Variants in CACHD1 observed in about 807,000 individuals in gnomAD.
CACHD1 encodes the protein cache domain containing 1, also known as VWFA and cache domain-containing protein 1.
In CACHD1, 71 loss-of-function variants were observed where a neutral mutation model predicts 138.7. That is an observed-to-expected ratio of 0.51 (90% CI 0.42 to 0.62). CACHD1 has a LOEUF of 0.62. CACHD1 is among the 20% of genes least tolerant of loss of function. CACHD1 has a pLI of 0.00. For missense variants in CACHD1, 1,389 were observed against 1,625.3 expected (o/e 0.85, Z 2.50); for synonymous variants, 578 against 591.5 (o/e 0.98, Z 0.33).
intron 1 of CACHD1, among the ~76,000 whole-genome samples, chr1:64,535,579 C>G (rs554862737): frequency 6.6e-6 from 1 of 152,272 alleles, no homozygotes; most frequent in South Asian, 2.1e-4. Flanking sequence ...CCCACCTCAG[C>G]CTCCCAAAGT....
chr1:64,630,490 G>C (rs547607078), intron 5 of CACHD1, among the ~76,000 whole-genome samples: 6 of 151,986 alleles, frequency 3.9e-5, no homozygotes, highest in African/African-American at 7.2e-5. Flanking sequence ...TAGTAGAGAC[G>C]AAGTTTTGCC....
At chr1:64,475,328 G>A (rs1056211531) in intron 1 of CACHD1, among the ~76,000 whole-genome samples, 8 of 151,692 alleles carry the variant, frequency 5.3e-5, no homozygotes, top group Non-Finnish European at 8.8e-5. Context: ...ATCACACCCT[G>A]CTAATTTTGT....
Position 64,647,881 on chromosome 1 carries a change from C to G in CACHD1, c.1237C>G (p.Arg413Gly). 1 of 1,614,022 alleles carries G rather than the reference C, an allele frequency of 6.2e-7. No homozygotes were observed. The highest frequency in any genetic ancestry group is 8.5e-7 in the Non-Finnish European group (1 of 1,179,984). Reference protein sequence around the residue: ...QNSGKYGVPDRMALPVIKGSM... With the variant: ...QNSGKYGVPDGMALPVIKGSM... ...TTCAGGGAAGTACGGTGTGCCAGAC[C>G]GGATGGCCTTGCCTGTGATTAAGGG... Residue 413 changes from arginine (R) to glycine (G), a missense_variant, in exon 9 of 27, where the codon CGG becomes GGG. Arg to Gly is a moderately radical substitution (Grantham distance 125). Around this residue, in one of 5 missense-constraint regions of CACHD1, gnomAD observed 1,000 missense variants for 1,114.7 expected, o/e 0.90. Coordinates refer to ENST00000651257, the MANE Select transcript of CACHD1 (RefSeq NM_020925.4).
chr1:64,681,542 T>TTTTTTTTTTTTTTTG (rs1650183739), intron 25 of CACHD1, among the ~76,000 whole-genome samples: 1 of 56,054 alleles, frequency 1.8e-5, no homozygotes, highest in African/African-American at 1.2e-4. Flanking sequence ...TTTTATTGTG[T>TTTTTTTTTTTTTTTG]TTTTTTTTTT....
intron 4 of CACHD1, among the ~76,000 whole-genome samples, chr1:64,625,400 G>A (rs1454466316): frequency 6.6e-6 from 1 of 152,162 alleles, no homozygotes; most frequent in African/African-American, 2.4e-5. Context: ...GCCAAGGCAG[G>A]CGGATCACTT....
At chr1:64,589,832 C>T (rs1647083627) in intron 3 of CACHD1, among the ~76,000 whole-genome samples, 1 of 152,124 alleles carries the variant, frequency 6.6e-6, no homozygotes. Context: ...ATAGCCCAGC[C>T]AAGTTGATAT....
intron 1 of CACHD1, among the ~76,000 whole-genome samples, chr1:64,494,045 G>C (rs1646293114): frequency 6.6e-6 from 1 of 152,164 alleles, no homozygotes. Context: ...GACAAGGGAG[G>C]GAGGAGGCGG....
intron 16 of CACHD1, among the ~76,000 whole-genome samples, chr1:64,669,919 G>T (rs1376773067): frequency 1.3e-5 from 2 of 152,226 alleles, no homozygotes; most frequent in African/African-American, 4.8e-5. Flanking sequence ...TAGCTGTAGG[G>T]TTGTAGAAAG....
chr1:64,479,035 G>C (rs1294339652), intron 1 of CACHD1, among the ~76,000 whole-genome samples: 2 of 152,090 alleles, frequency 1.3e-5, no homozygotes, highest in Non-Finnish European at 2.9e-5. Flanking sequence ...CTGCAGGCTG[G>C]ATAGGGCCAA....
At chr1:64,523,760 G>C (rs1360670695) in intron 1 of CACHD1, among the ~76,000 whole-genome samples, 1 of 152,154 alleles carries the variant, frequency 6.6e-6, no homozygotes, top group South Asian at 2.1e-4. Flanking sequence ...GTATAAAGCT[G>C]ATAACTAGAA....
chr1:64,674,926 G>A (rs1649936685), intron 19 of CACHD1, among the ~76,000 whole-genome samples: 2 of 152,084 alleles, frequency 1.3e-5, no homozygotes, highest in South Asian at 4.1e-4. Context: ...TTGCCTGTTA[G>A]GTTTGATTTT....
chr1:64,526,999 C>G (rs999474237), intron 1 of CACHD1, among the ~76,000 whole-genome samples: 5 of 152,236 alleles, frequency 3.3e-5, no homozygotes, highest in African/African-American at 1.2e-4. Flanking sequence ...TACGTTTGAT[C>G]TGTAGCGAGC....
chr1:64,524,953 C>T (rs1432150271), intron 1 of CACHD1, among the ~76,000 whole-genome samples: 7 of 152,066 alleles, frequency 4.6e-5, no homozygotes, highest in Non-Finnish European at 8.8e-5. Context: ...GGCCAAGTCA[C>T]TAGCCCAAGG....
chr1:64,673,813 C>T (rs11208500), intron 19 of CACHD1, among the ~76,000 whole-genome samples: 10 of 152,010 alleles, frequency 6.6e-5, no homozygotes, highest in Non-Finnish European at 1.5e-4. Flanking sequence ...TTCCTGTCTT[C>T]TAGAGATCAC....
chr1:64,529,094 T>A (rs918851795), intron 1 of CACHD1, among the ~76,000 whole-genome samples: 8 of 152,198 alleles, frequency 5.3e-5, no homozygotes, highest in African/African-American at 1.9e-4. Flanking sequence ...TTTGTTTTTA[T>A]GAAAGAGTGT....
intron 1 of CACHD1, among the ~76,000 whole-genome samples, chr1:64,543,171 A>G (rs1056889378): frequency 3.3e-5 from 5 of 151,334 alleles, no homozygotes; most frequent in Non-Finnish European, 7.4e-5. Context: ...GTTATTTTCT[A>G]TTTTTCTTTT....
chr1:64,684,212 T>C lies in CACHD1; in HGVS notation c.3586+2106T>C, dbSNP rs1370126916. On this transcript the variant is annotated intron_variant, in intron 26 of 26. Transcript: ENST00000651257. ...CTCGCTCTTGTCACCCAGGCTGGAG[T>C]GCAAAGGTGCGATCTCAGCTCACTG... Among the ~76,000 whole-genome samples the C allele has an allele frequency of 4.6e-5, 7 of 152,280 alleles. No homozygotes were observed. In the South Asian group the frequency reaches 8.3e-4, roughly 18 times the overall value.
intron 9 of CACHD1, among the ~76,000 whole-genome samples, chr1:64,651,417 T>A (rs1292750243): frequency 6.6e-6 from 1 of 152,228 alleles, no homozygotes; most frequent in East Asian, 1.9e-4. Context: ...TAATACCTTT[T>A]AAGCATTCCT....
intron 2 of CACHD1, among the ~76,000 whole-genome samples, chr1:64,566,215 C>T (rs994227065): frequency 5.9e-5 from 9 of 152,126 alleles, no homozygotes; most frequent in Admixed American, 3.9e-4. Context: ...ATAGAAGCTC[C>T]GTGAGGGCGT....
Sources: allele counts gnomAD v4.1 joint callset (sites outside exome capture counted in the v4.1 genomes callset), GRCh38; gene constraint gnomAD v4.1.1; regional missense constraint gnomAD v4.1.1; transcripts MANE v1.5; gene names NCBI Gene and HGNC (gene_info 2026-07-23, HGNC 2026-07-21).